EHMT1: variants seen among roughly 807,000 people sequenced by gnomAD.
EHMT1 encodes histone-lysine N-methyltransferase EHMT1.
In EHMT1, 15 loss-of-function variants were observed where a neutral mutation model predicts 147.2. The observed-to-expected ratio is 0.10, with a 90% CI of 0.07 to 0.16. The LOEUF (loss-of-function observed/expected upper bound fraction) is 0.16. Among genes scored for constraint, EHMT1 ranks in the 10% least tolerant of loss-of-function variants. The probability of loss-of-function intolerance (pLI) is 1.00; values close to 1 mark genes in which losing one functional copy is unlikely to be tolerated. For synonymous variants in EHMT1, 795 were observed against 709.6 expected (o/e 1.12, Z -1.91); for missense variants, 1,587 against 1,772.4 (o/e 0.90, Z 1.88).
chr9:137,622,420 G>A (rs1842993072), intron 1 of EHMT1, among the ~76,000 whole-genome samples: 1 of 152,020 alleles, frequency 6.6e-6, no homozygotes. Context: ...GCCCCCGGCC[G>A]ATCATCTTCT....
chr9:137,825,828 G>A (rs572053367), intron 25 of EHMT1, among the ~76,000 whole-genome samples: 10 of 152,050 alleles, frequency 6.6e-5, no homozygotes, highest in Admixed American at 1.3e-4. Context: ...CATTCTTGTC[G>A]TCTACACCGG....
intron 18 of EHMT1, among the ~76,000 whole-genome samples, chr9:137,805,820 G>A (rs912640748): frequency 6.6e-6 from 1 of 151,902 alleles, no homozygotes; most frequent in Non-Finnish European, 1.5e-5. Flanking sequence ...GAGCCACCAC[G>A]CCTGGCTAAT....
intron 4 of EHMT1, among the ~76,000 whole-genome samples, chr9:137,729,830 C>G (rs1946950233): frequency 6.6e-6 from 1 of 152,142 alleles, no homozygotes; most frequent in Non-Finnish European, 1.5e-5. Flanking sequence ...AAGACATTCT[C>G]TTAGATGACT....
At chr9:137,788,336 G>A (rs1175094016) in intron 15 of EHMT1, 4 of 376,098 alleles carry the variant, frequency 1.1e-5, no homozygotes, top group Admixed American at 4.3e-5. Flanking sequence ...GGCCCAGGAC[G>A]TTGGCGAAGG....
intron 15 of EHMT1, among the ~76,000 whole-genome samples, chr9:137,783,757 C>G (rs536651059): frequency 6.6e-6 from 1 of 152,202 alleles, no homozygotes. Context: ...CGGGGCGCAC[C>G]GTCTGCTGTG....
At chr9:137,833,483 C>A (rs1054839507) in intron 25 of EHMT1, among the ~76,000 whole-genome samples, 13 of 152,258 alleles carry the variant, frequency 8.5e-5, no homozygotes, top group African/African-American at 3.1e-4. Flanking sequence ...TCCTTGCTAG[C>A]TGCCGGCCGG....
chr9:137,780,981 A>C (rs1037102915), intron 14 of EHMT1, among the ~76,000 whole-genome samples: 1 of 139,246 alleles, frequency 7.2e-6, no homozygotes, highest in Non-Finnish European at 1.5e-5. Context: ...TGTGGTGATG[A>C]CGCTGGGATG....
intron 4 of EHMT1, among the ~76,000 whole-genome samples, chr9:137,741,776 T>G (rs1948104006): frequency 1.3e-5 from 2 of 152,294 alleles, no homozygotes; most frequent in Non-Finnish European, 2.9e-5. Flanking sequence ...ACATTGTATT[T>G]TCAACCTGTT....
chr9:137,694,326 A>G (rs564742375), intron 1 of EHMT1, among the ~76,000 whole-genome samples: 43 of 130,140 alleles, frequency 3.3e-4, no homozygotes, highest in Admixed American at 8.7e-4. Flanking sequence ...CCCCCCACAC[A>G]GTGGCGCAGG....
intron 25 of EHMT1, among the ~76,000 whole-genome samples, chr9:137,822,665 C>T (rs1030955255): frequency 4.6e-5 from 7 of 152,204 alleles, no homozygotes; most frequent in South Asian, 2.1e-4. Flanking sequence ...AAGGCCGAGG[C>T]GGGCGGATCA....
intron 16 of EHMT1, among the ~76,000 whole-genome samples, chr9:137,791,185 C>T (rs919834728): frequency 6.6e-6 from 1 of 152,122 alleles, no homozygotes; most frequent in African/African-American, 2.4e-5. Context: ...TGACAACAGA[C>T]AGGTGAGCGA....
intron 1 of EHMT1, chr9:137,641,167 G>T: frequency 2.4e-6 from 1 of 411,550 alleles, no homozygotes; most frequent in East Asian, 6.4e-5. Flanking sequence ...CTGCACCTGC[G>T]TCAGAATGGC....
intron 3 of EHMT1, among the ~76,000 whole-genome samples, chr9:137,728,023 G>A (rs899512942): frequency 6.6e-6 from 1 of 152,196 alleles, no homozygotes; most frequent in African/African-American, 2.4e-5. Context: ...GAACCAGCTA[G>A]AAAATGTTTC....
At chr9:137,645,351 C>T (rs1377643334) in intron 1 of EHMT1, among the ~76,000 whole-genome samples, 2 of 152,168 alleles carry the variant, frequency 1.3e-5, no homozygotes, top group Admixed American at 1.3e-4. Flanking sequence ...ACTGACTTCT[C>T]AGTGTAGACA....
chr9:137,787,465 G>A lies in EHMT1; in HGVS notation c.2383-3383G>A, dbSNP rs562568232. ...GCCTCTGGGTGTAGGGGAAACAGAG[G>A]CATGACTGACCAGGGCCAGGGCCGT... On this transcript the variant is annotated intron_variant, in intron 15 of 26. Transcript: ENST00000460843. The surrounding 1 kb of genome is among the most constrained non-coding windows in gnomAD (Gnocchi z 4.2). Among the ~76,000 whole-genome samples, 2 of 152,328 alleles carry A rather than the reference G, an allele frequency of 1.3e-5. No individual in the cohort carries two copies. Among genetic ancestry groups the A allele is most frequent in the South Asian group, 4.1e-4 (2 of 4,826 alleles).
intron 15 of EHMT1, chr9:137,789,082 A>G (rs1195082328): frequency 3.3e-5 from 5 of 152,276 alleles, no homozygotes; most frequent in Non-Finnish European, 5.9e-5. Context: ...GGGCGGGGTC[A>G]TTTCCTTCTG....
At chr9:137,715,931 T>C (rs1945177867) in intron 2 of EHMT1, 1 of 837,646 alleles carries the variant, frequency 1.2e-6, no homozygotes, top group Non-Finnish European at 1.4e-6. Flanking sequence ...ATGTTTAATA[T>C]GTTTGAACTG....
chr9:137,658,446 C>T (rs1393947689), intron 1 of EHMT1, among the ~76,000 whole-genome samples: 1 of 151,852 alleles, frequency 6.6e-6, no homozygotes, highest in African/African-American at 2.4e-5. Flanking sequence ...CCACCGCACC[C>T]AGCGCCCAGA....
intron 1 of EHMT1, among the ~76,000 whole-genome samples, chr9:137,695,451 G>C (rs1346095301): frequency 6.6e-6 from 1 of 152,200 alleles, no homozygotes; most frequent in East Asian, 1.9e-4. Context: ...CTCCCGCCAG[G>C]GACTGCACTG....
Sources: gnomAD v4.1 joint callset for allele counts (sites outside exome capture counted in the v4.1 genomes callset) on GRCh38, gnomAD v4.1.1 for gene constraint, Gnocchi (gnomAD v3.1) non-coding constraint, MANE v1.5 for transcripts, NCBI Gene and HGNC (gene_info 2026-07-23, HGNC 2026-07-21) for gene names.